The following KIF5C variants were observed in gnomAD, a reference collection of about 807,000 sequenced individuals.
The protein encoded by KIF5C is kinesin heavy chain isoform 5C.
A neutral mutation model predicts 125.2 loss-of-function variants in KIF5C; 18 were observed. The ratio of observed to expected loss-of-function variants is 0.14; its 90% confidence interval spans 0.10 to 0.21. The LOEUF is 0.21. Ranked by LOEUF, KIF5C falls within the 10% of genes least tolerant of loss-of-function variation. KIF5C has a pLI of 1.00. For missense variants in KIF5C, 780 were observed against 1,183.8 expected (o/e 0.66, Z 5.01); for synonymous variants, 405 against 434.0 (o/e 0.93, Z 0.83).
Position 148,973,289 on chromosome 2 carries a change from A to G in KIF5C, c.1118-47A>G, listed in dbSNP as rs186528322. The G allele has an allele frequency of 7.6e-3, 11,970 of 1,573,102 alleles. 66 individuals are homozygous for G. The highest frequency in any genetic ancestry group is 8.6e-3 in the Non-Finnish European group (9,958 of 1,164,178). Reference sequence around the variant, plus strand: ...TTTGGTACTCTTCCTGGAGGGTTGCATACTCAATTTCTTTAATCCCCAACT... The same window carrying G: ...TTTGGTACTCTTCCTGGAGGGTTGCGTACTCAATTTCTTTAATCCCCAACT... On this transcript the variant is annotated intron_variant, in intron 11 of 25. Transcript: ENST00000435030.
intron 25 of KIF5C, among the ~76,000 whole-genome samples, chr2:149,016,599 A>G (rs948354917): frequency 1.3e-5 from 2 of 152,200 alleles, no homozygotes; most frequent in Admixed American, 6.5e-5. Flanking sequence ...TGCCAGGGAA[A>G]ATCGGGGGAT....
At chr2:148,896,010 G>T (rs1681829510) in intron 1 of KIF5C, among the ~76,000 whole-genome samples, 1 of 152,118 alleles carries the variant, frequency 6.6e-6, no homozygotes, top group South Asian at 2.1e-4. Flanking sequence ...GTCACATTGG[G>T]TGTTAGGAAT....
rs1681983712 is a variant in KIF5C at position 149,005,583 on chromosome 2, C to T, written c.2445+119C>T. 10 of 1,405,398 alleles carry T rather than the reference C, an allele frequency of 7.1e-6. No individual in the cohort carries two copies. In the South Asian group the frequency reaches 1.2e-4, roughly 17 times the overall value. 87.1% of individuals were successfully genotyped at this position (1,405,398 alleles called of 1,614,324 possible). On this transcript the variant is annotated intron_variant, in intron 22 of 25. Coordinates refer to ENST00000435030, the MANE Select transcript of KIF5C (RefSeq NM_004522.3). ...GCTGGTTATGCTTAAAAATTAATTA[C>T]TGCACACCAGAGAATGTTATTAAAA...
intron 12 of KIF5C, among the ~76,000 whole-genome samples, chr2:148,977,168 G>A (rs138017172): frequency 2.8e-4 from 42 of 152,326 alleles, no homozygotes; most frequent in African/African-American, 9.4e-4. Flanking sequence ...AGTGATCCAC[G>A]TCTTCTGTAG....
At chr2:148,949,239 A>G (rs542430829) in intron 8 of KIF5C, among the ~76,000 whole-genome samples, 41 of 152,350 alleles carry the variant, frequency 2.7e-4, no homozygotes, top group African/African-American at 9.6e-4. Context: ...AGAGGAAAAA[A>G]GACAAATTTA....
chr2:148,967,529 A>T (rs1680769041), intron 11 of KIF5C, among the ~76,000 whole-genome samples: 1 of 152,220 alleles, frequency 6.6e-6, no homozygotes, highest in Non-Finnish European at 1.5e-5. Flanking sequence ...GCACTTTGAT[A>T]CATTGTCTGA....
chr2:148,941,775 T>C, intron 5 of KIF5C, 117 bp downstream of exon 5: 1 of 1,452,826 alleles, frequency 6.9e-7, no homozygotes, highest in East Asian at 2.5e-5. Flanking sequence ...GATACTCTGT[T>C]GCCTTCAGGG....
At chr2:148,962,290 C>T (rs1198857052) in intron 11 of KIF5C, among the ~76,000 whole-genome samples, 171 bp downstream of exon 11, 5 of 151,906 alleles carry the variant, frequency 3.3e-5, no homozygotes, top group East Asian at 1.9e-4. Context: ...CTCAGCCTCC[C>T]GAGTAGCTGG....
chr2:148,887,547 G>A (rs1232262388), intron 1 of KIF5C, among the ~76,000 whole-genome samples: 4 of 152,180 alleles, frequency 2.6e-5, no homozygotes, highest in Non-Finnish European at 5.9e-5. Context: ...CCAAAGACAA[G>A]TGGAAAGAAA....
intron 24 of KIF5C, 107 bp from the exon 25 acceptor site, chr2:149,011,463 G>T: frequency 1.4e-6 from 2 of 1,449,438 alleles, no homozygotes; most frequent in Non-Finnish European, 9.3e-7. Context: ...TGTACTGTTG[G>T]TAAGAATTGT....
chr2:149,019,343 G>T (rs1682460989), intron 25 of KIF5C, among the ~76,000 whole-genome samples: 1 of 152,170 alleles, frequency 6.6e-6, no homozygotes, highest in South Asian at 2.1e-4. Context: ...AGGCCCCCGT[G>T]CATGTTAGCT....
Position 149,000,731 on chromosome 2 carries a change from C to T in KIF5C, c.2322C>T (p.Asn774=), listed in dbSNP as rs1019307676. The change falls in exon 21 of 26, where the codon AAC becomes AAT. Residue 774 remains asparagine, a synonymous_variant. Transcript: ENST00000435030. The stretch of plus-strand genomic sequence containing the variant: ...CCTTTTTGTTTTTCAGATTGCTCAA[C>T]GATAAAAGGGAACAAGCCAGAGAAG... ...EMKLEKLLLL[N]DKREQAREDL... is the part of the protein sequence containing the mutation. 49 of 1,613,602 alleles carry T rather than the reference C, an allele frequency of 3.0e-5. No homozygotes were observed. The highest frequency in any genetic ancestry group is 3.9e-5 in the Non-Finnish European group (46 of 1,179,840).
chr2:149,009,744 G>A (rs974626803), intron 23 of KIF5C, among the ~76,000 whole-genome samples: 1 of 152,184 alleles, frequency 6.6e-6, no homozygotes, highest in African/African-American at 2.4e-5. Flanking sequence ...TTTTCACTGA[G>A]TCCTTTCAAA....
In KIF5C at chr2:148,981,393, G is replaced by C; in HGVS notation, c.1401G>C (p.Gln467His). Residue 467 changes from glutamine to histidine, a missense_variant, in exon 14 of 26, where the codon CAG becomes CAC. Transcript: ENST00000435030. ...CAAGAAGAGACTATGAGAAGATACA[G>C]GAGGAGCTGACACGTCTCCAGATTG... ...ASTRRDYEKI[Q>H]EELTRLQIEN... 6.2e-7 allele frequency: 1 copy of C among 1,611,642 alleles called. No homozygotes were observed. The highest frequency in any genetic ancestry group is 8.5e-7 in the Non-Finnish European group (1 of 1,178,990).
intron 1 of KIF5C, among the ~76,000 whole-genome samples, chr2:148,901,006 A>G (rs1037041652): frequency 6.6e-6 from 1 of 152,316 alleles, no homozygotes; most frequent in Middle Eastern, 3.4e-3. Flanking sequence ...CCCACATTGC[A>G]TTACAGTTAC....
chr2:148,959,573 A>G (rs1682876565), intron 10 of KIF5C, among the ~76,000 whole-genome samples: 1 of 152,116 alleles, frequency 6.6e-6, no homozygotes, highest in Non-Finnish European at 1.5e-5. Flanking sequence ...TTTGGGCTGA[A>G]TGAAGTCTCG....
intron 12 of KIF5C, among the ~76,000 whole-genome samples, chr2:148,977,815 A>C (rs1227081053): frequency 6.6e-6 from 1 of 152,242 alleles, no homozygotes; most frequent in Non-Finnish European, 1.5e-5. Flanking sequence ...AAATGTATGC[A>C]TAGATATCAC....
intron 17 of KIF5C, among the ~76,000 whole-genome samples, chr2:148,996,576 G>T (rs1681679319): frequency 6.6e-6 from 1 of 152,164 alleles, no homozygotes; most frequent in Non-Finnish European, 1.5e-5. Context: ...CTGCCCCCTG[G>T]CACCCCAGCT....
chr2:148,895,845 GACAC>G (rs1161081970), intron 1 of KIF5C, among the ~76,000 whole-genome samples: 1 of 41,778 alleles, frequency 2.4e-5, no homozygotes, highest in African/African-American at 8.7e-5. Flanking sequence ...TTTTCTGTGT[GACAC>G]ACACACACAC....
Sources: allele counts gnomAD v4.1 joint callset (sites outside exome capture counted in the v4.1 genomes callset), GRCh38; gene constraint gnomAD v4.1.1; transcripts MANE v1.5; gene names NCBI Gene and HGNC (gene_info 2026-07-23, HGNC 2026-07-21).